The following TMPRSS15 variants were observed in gnomAD, a reference collection of about 807,000 sequenced individuals.
TMPRSS15 encodes transmembrane serine protease 15.
In TMPRSS15, 128 loss-of-function variants were observed where a neutral mutation model predicts 125.3. The ratio of observed to expected loss-of-function variants is 1.02; its 90% confidence interval spans 0.89 to 1.18. The LOEUF (loss-of-function observed/expected upper bound fraction) is 1.18. Ranked by LOEUF, TMPRSS15 falls within the 50% of genes most tolerant of loss-of-function variation. The probability of loss-of-function intolerance (pLI) is 0.00; values close to 1 mark genes in which losing one functional copy is unlikely to be tolerated. For missense variants in TMPRSS15, 1,283 were observed against 1,212.7 expected (o/e 1.06, Z -0.86); for synonymous variants, 446 against 423.2 (o/e 1.05, Z -0.66).
chr21:18,307,422 G>A (rs868148773), intron 18 of TMPRSS15, among the ~76,000 whole-genome samples: 4 of 152,140 alleles, frequency 2.6e-5, no homozygotes, highest in Non-Finnish European at 4.4e-5. Context: ...GGGAAACCAC[G>A]TAAGTAAATG....
chr21:18,299,040 T>C (rs1216561077), intron 18 of TMPRSS15, among the ~76,000 whole-genome samples: 3 of 152,226 alleles, frequency 2.0e-5, no homozygotes, highest in Non-Finnish European at 4.4e-5. Flanking sequence ...TCTTGCACTT[T>C]TATTTTGTAA....
intron 19 of TMPRSS15, among the ~76,000 whole-genome samples, chr21:18,296,627 T>C (rs1365878928): frequency 2.6e-5 from 4 of 152,180 alleles, no homozygotes; most frequent in Non-Finnish European, 2.9e-5. Context: ...TTTAAATAAT[T>C]TTTTCTTACA....
chr21:18,425,481 A>G (rs1965545358), intron 1 of TMPRSS15, among the ~76,000 whole-genome samples: 3 of 152,126 alleles, frequency 2.0e-5, no homozygotes, highest in Admixed American at 6.6e-5. Context: ...TTCATTGAGC[A>G]AAAGACTTCT....
At chr21:18,370,510 T>C (rs2075782213) in intron 6 of TMPRSS15, among the ~76,000 whole-genome samples, 1 of 152,196 alleles carries the variant, frequency 6.6e-6, no homozygotes, top group South Asian at 2.1e-4. Context: ...GATGGCACAC[T>C]TGCATCATAT....
intron 6 of TMPRSS15, among the ~76,000 whole-genome samples, chr21:18,367,674 G>A (rs939753542): frequency 6.6e-6 from 1 of 152,160 alleles, no homozygotes; most frequent in Non-Finnish European, 1.5e-5. Context: ...AATCTTATCA[G>A]TGCTAAAATA....
rs756614369 is a variant in TMPRSS15, at chr21:18,270,101, C to G, written c.2928G>C (p.Met976Ile). 37 of 1,613,694 alleles carry G rather than the reference C, an allele frequency of 2.3e-5. No homozygotes were observed. In the South Asian group the frequency reaches 3.8e-4, roughly 17 times the overall value. The part of the protein sequence containing the change: ...SCQGDSGGPL[M>I]CQENNRWFLA... ...GGAACCACCTGTTGTTTTCTTGGCA[C>G]ATTAATGGTCCTCCTGAATCCCCCT... The change falls in exon 25 of 25, where the codon ATG becomes ATC. Residue 976 changes from methionine (M) to isoleucine (I), a missense_variant. Met to Ile is a conservative substitution (Grantham distance 10, BLOSUM62 1). Transcript: ENST00000284885.
At chr21:18,449,263 T>G (rs549351204) in intron 1 of TMPRSS15, among the ~76,000 whole-genome samples, 1 of 152,268 alleles carries the variant, frequency 6.6e-6, no homozygotes, top group South Asian at 2.1e-4. Context: ...AAAACCCACC[T>G]TGCACATATT....
intron 1 of TMPRSS15, among the ~76,000 whole-genome samples, chr21:18,434,315 C>T (rs2076223395): frequency 6.6e-6 from 1 of 152,086 alleles, no homozygotes; most frequent in Admixed American, 6.6e-5. Context: ...TATGTACACA[C>T]ATAAGTATAA....
chr21:18,344,526 C>G (rs940986081), intron 10 of TMPRSS15, among the ~76,000 whole-genome samples: 1 of 152,184 alleles, frequency 6.6e-6, no homozygotes, highest in Admixed American at 6.5e-5. Flanking sequence ...TCACTGAACA[C>G]TTCATATCTC....
At chr21:18,484,633 T>C (rs1979044903) in intron 1 of TMPRSS15, among the ~76,000 whole-genome samples, 1 of 151,818 alleles carries the variant, frequency 6.6e-6, no homozygotes, top group Admixed American at 6.6e-5. Flanking sequence ...GGACATTATG[T>C]TTTTCTAGTT....
chr21:18,442,654 G>A (rs1472964244), intron 1 of TMPRSS15, among the ~76,000 whole-genome samples: 1 of 152,070 alleles, frequency 6.6e-6, no homozygotes, highest in African/African-American at 2.4e-5. Context: ...CAGTTTATCT[G>A]GCTCTCTCAA....
intron 1 of TMPRSS15, among the ~76,000 whole-genome samples, chr21:18,411,943 G>C (rs775023962): frequency 6.6e-6 from 1 of 152,136 alleles, no homozygotes; most frequent in South Asian, 2.1e-4. Context: ...ACCAGGCTGG[G>C]AAAGATTGCT....
At chr21:18,391,124 G>A (rs2075986777) in intron 3 of TMPRSS15, among the ~76,000 whole-genome samples, 1 of 152,128 alleles carries the variant, frequency 6.6e-6, no homozygotes, top group African/African-American at 2.4e-5. Flanking sequence ...TTTGTGTGGG[G>A]ACACAGAGCC....
chr21:18,375,653 G>T (rs930465195), intron 5 of TMPRSS15, among the ~76,000 whole-genome samples: 52 of 152,212 alleles, frequency 3.4e-4, no homozygotes, highest in African/African-American at 1.2e-3. Context: ...TTACCTTCAG[G>T]ACACTAACTT....
chr21:18,346,386 T>TA (rs1186729051), intron 10 of TMPRSS15, among the ~76,000 whole-genome samples: 2 of 152,134 alleles, frequency 1.3e-5, no homozygotes, highest in Non-Finnish European at 1.5e-5. Context: ...TTTTCTTTTT[T>TA]AAAAAAATAA....
intron 24 of TMPRSS15, among the ~76,000 whole-genome samples, chr21:18,271,258 A>C (rs937673444): frequency 6.6e-6 from 1 of 152,228 alleles, no homozygotes; most frequent in Non-Finnish European, 1.5e-5. Flanking sequence ...GGAACAGTTT[A>C]TATTCAAGGA....
chr21:18,414,385 C>G lies in TMPRSS15; in HGVS notation c.11-16056G>C, dbSNP rs955783313. On this transcript the variant is annotated intron_variant, in intron 1 of 7. Coordinates refer to the TMPRSS15 transcript ENST00000422787. ...TTGAACATAACGTGAGCTTTCAACT[C>G]TTTCTTACCAAATTTTGAAATGCAC... Among the ~76,000 whole-genome samples the G allele has an allele frequency of 4.6e-5, 7 of 152,132 alleles. 1 individual carries two copies. The highest frequency in any genetic ancestry group is 1.0e-4 in the Non-Finnish European group (7 of 68,016).
At chr21:18,358,350 C>A (rs909735885) in intron 8 of TMPRSS15, among the ~76,000 whole-genome samples, 3 of 151,866 alleles carry the variant, frequency 2.0e-5, no homozygotes, top group African/African-American at 7.2e-5. Context: ...GCTGACAACA[C>A]TCCTTTACAC....
At chr21:18,394,416 CA>C (rs887394381) in intron 3 of TMPRSS15, among the ~76,000 whole-genome samples, 7 of 151,174 alleles carry the variant, frequency 4.6e-5, no homozygotes, top group African/African-American at 7.3e-5. Context: ...TCAGATGAAA[CA>C]AAAAAAATGT....
Sources: gnomAD v4.1 joint callset for allele counts (sites outside exome capture counted in the v4.1 genomes callset) on GRCh38, gnomAD v4.1.1 for gene constraint, MANE v1.5 for transcripts, NCBI Gene and HGNC (gene_info 2026-07-23, HGNC 2026-07-21) for gene names.